Variants in CCDC102B observed in about 807,000 individuals in gnomAD.
The protein encoded by CCDC102B is coiled-coil domain-containing protein 102B.
A neutral mutation model predicts 57.4 loss-of-function variants in CCDC102B; 75 were observed. The observed-to-expected ratio is 1.31, with a 90% CI of 1.08 to 1.58. The LOEUF (loss-of-function observed/expected upper bound fraction) is 1.58, where lower values mean the gene tolerates loss of function less well. CCDC102B is among the 40% of genes most tolerant of loss of function. The pLI, the probability that CCDC102B is intolerant of heterozygous loss-of-function variation, is 0.00. For missense variants in CCDC102B, 636 were observed against 582.6 expected (o/e 1.09, Z -0.94); for synonymous variants, 206 against 201.9 (o/e 1.02, Z -0.17).
intron 2 of CCDC102B, among the ~76,000 whole-genome samples, chr18:68,776,689 T>C (rs1247387084): frequency 1.3e-5 from 2 of 151,880 alleles, no homozygotes; most frequent in Admixed American, 6.6e-5. Context: ...AGGGAGAGGA[T>C]CAGGAAAAAT....
downstream of CCDC102B, among the ~76,000 whole-genome samples, chr18:69,057,574 C>A (rs1324679321): frequency 6.6e-6 from 1 of 151,974 alleles, no homozygotes; most frequent in Non-Finnish European, 1.5e-5. Flanking sequence ...AGTCAGACAG[C>A]TACTTCCCTC....
intron 2 of CCDC102B, among the ~76,000 whole-genome samples, chr18:68,761,265 A>C (rs1453290070): frequency 6.6e-6 from 1 of 152,128 alleles, no homozygotes; most frequent in Non-Finnish European, 1.5e-5. Flanking sequence ...ATTTTTAAAC[A>C]TTCGTCTACA....
intron 1 of CCDC102B, among the ~76,000 whole-genome samples, chr18:68,803,820 C>T (rs767583133): frequency 2.7e-5 from 4 of 150,440 alleles, no homozygotes; most frequent in Non-Finnish European, 4.4e-5. Context: ...AGCCTCAGGT[C>T]GGGAAATCAT....
intron 2 of CCDC102B, among the ~76,000 whole-genome samples, chr18:68,790,486 C>G (rs922111253): frequency 6.6e-6 from 1 of 151,994 alleles, no homozygotes; most frequent in Non-Finnish European, 1.5e-5. Context: ...AGCGAGACTC[C>G]GAGGGCGTAG....
intron 4 of CCDC102B, among the ~76,000 whole-genome samples, chr18:68,848,286 T>C (rs1401494369): frequency 1.3e-5 from 2 of 151,978 alleles, no homozygotes; most frequent in African/African-American, 4.8e-5. Context: ...ACTCCCTTTT[T>C]CCTCAACAAT....
chr18:69,057,333 G>C (rs1380884576), downstream of CCDC102B, among the ~76,000 whole-genome samples: 1 of 152,008 alleles, frequency 6.6e-6, no homozygotes, highest in Non-Finnish European at 1.5e-5. Flanking sequence ...GTTTAGCTAG[G>C]TAGTGCTTCC....
chr18:68,747,300 C>T (rs540969977), intron 2 of CCDC102B, among the ~76,000 whole-genome samples: 3 of 152,166 alleles, frequency 2.0e-5, no homozygotes, highest in African/African-American at 7.2e-5. Context: ...ATTTTTCTTT[C>T]TCTCCCACAT....
chr18:68,788,213 A>T (rs372938403), intron 2 of CCDC102B, among the ~76,000 whole-genome samples: 8 of 152,110 alleles, frequency 5.3e-5, no homozygotes, highest in East Asian at 1.9e-4. Flanking sequence ...ATAATTTCTG[A>T]TCTTTTACAT....
At chr18:69,033,907 G>A (rs2052215518) in intron 7 of CCDC102B, among the ~76,000 whole-genome samples, 1 of 151,896 alleles carries the variant, frequency 6.6e-6, no homozygotes, top group Non-Finnish European at 1.5e-5. Context: ...GTGTGAAGTG[G>A]TATCATATTA....
chr18:69,031,592 C>T (rs1238567990), intron 7 of CCDC102B, among the ~76,000 whole-genome samples: 2 of 151,796 alleles, frequency 1.3e-5, no homozygotes, highest in Non-Finnish European at 2.9e-5. Context: ...TATTTACTGG[C>T]TTTAAATATT....
chr18:68,947,195 T>G (rs1404005689), intron 6 of CCDC102B, among the ~76,000 whole-genome samples: 1 of 151,362 alleles, frequency 6.6e-6, no homozygotes, highest in Non-Finnish European at 1.5e-5. Flanking sequence ...CACCAAGAGA[T>G]AGAGGGGCAT....
intron 2 of CCDC102B, among the ~76,000 whole-genome samples, chr18:68,770,431 G>A (rs2034601949): frequency 6.6e-6 from 1 of 152,130 alleles, no homozygotes; most frequent in African/African-American, 2.4e-5. Context: ...TAAGACATGG[G>A]CTTAGAAATA....
intron 6 of CCDC102B, among the ~76,000 whole-genome samples, chr18:68,952,052 A>G (rs1290384605): frequency 1.3e-5 from 2 of 152,182 alleles, no homozygotes; most frequent in African/African-American, 4.8e-5. Context: ...GTGTAAAGTG[A>G]CATCCGTTTT....
At chr18:69,040,272 T>C (rs1173919451) in intron 7 of CCDC102B, among the ~76,000 whole-genome samples, 1 of 151,984 alleles carries the variant, frequency 6.6e-6, no homozygotes. Context: ...TATTTTTATA[T>C]GAAAGCTCAT....
At chr18:68,786,296 A>T (rs1209249104) in intron 2 of CCDC102B, among the ~76,000 whole-genome samples, 3 of 151,416 alleles carry the variant, frequency 2.0e-5, no homozygotes, top group Admixed American at 6.6e-5. Context: ...CTTAGGATTG[A>T]CTTGGCAATG....
intron 6 of CCDC102B, among the ~76,000 whole-genome samples, chr18:68,966,982 G>A (rs2050181039): frequency 6.6e-6 from 1 of 152,080 alleles, no homozygotes; most frequent in African/African-American, 2.4e-5. Flanking sequence ...GATGGTGATT[G>A]TTCAATAGTT....
Position 68,846,301 on chromosome 18 carries a change from T to C in CCDC102B, c.828-12T>C. 6.9e-7 allele frequency: 1 copy of C among 1,459,288 alleles called. No individual in the cohort carries two copies. The highest frequency in any genetic ancestry group is 9.1e-7 in the Non-Finnish European group (1 of 1,104,574). 90.4% of individuals were successfully genotyped at this position (1,459,288 alleles called of 1,614,324 possible). A position where few individuals can be genotyped will look rare whatever the true frequency, so the allele number is the denominator to read the frequency against. ...AGCCGACTTTTTTTCTTTTAATTCTTAAATTATTTAGAATGCGCACAGCTT... is the reference window on the plus strand; with the variant it reads ...AGCCGACTTTTTTTCTTTTAATTCTCAAATTATTTAGAATGCGCACAGCTT... On this transcript the variant is annotated splice_polypyrimidine_tract_variant and intron_variant, in intron 3 of 7. Transcript: ENST00000360242.
At chr18:69,021,372 C>T (rs1374209624) in intron 7 of CCDC102B, among the ~76,000 whole-genome samples, 1 of 152,114 alleles carries the variant, frequency 6.6e-6, no homozygotes, top group Non-Finnish European at 1.5e-5. Context: ...AAAAAGAAAT[C>T]AGAAAGAAGC....
At chr18:69,050,966 T>A (rs1287556803) in intron 7 of CCDC102B, among the ~76,000 whole-genome samples, 1 of 152,108 alleles carries the variant, frequency 6.6e-6, no homozygotes, top group African/African-American at 2.4e-5. Context: ...CTTACCATAA[T>A]CCTGAACTCC....
Sources: gnomAD v4.1 joint callset for allele counts (sites outside exome capture counted in the v4.1 genomes callset) on GRCh38, gnomAD v4.1.1 for gene constraint, MANE v1.5 for transcripts, NCBI Gene and HGNC (gene_info 2026-07-23, HGNC 2026-07-21) for gene names.